Variants in ITPKB observed in about 807,000 individuals in gnomAD.
The protein encoded by ITPKB is inositol-trisphosphate 3-kinase B, also known as IP3 3-kinase B.
In ITPKB, 13 loss-of-function variants were observed where a neutral mutation model predicts 69.4. The observed-to-expected ratio is 0.19, with a 90% confidence interval of 0.12 to 0.30. The LOEUF is 0.30. Ranked by LOEUF, ITPKB falls within the 10% of genes least tolerant of loss-of-function variation. The pLI is 1.00. For missense variants in ITPKB, 1,240 were observed against 1,250.5 expected, an observed-to-expected ratio of 0.99 and a Z score of 0.13; for synonymous variants, 584 against 513.7, an observed-to-expected ratio of 1.14 and a Z score of -1.85.
In ITPKB at chr1:226,642,445, C is replaced by T. The variant is rs1413528968; in HGVS notation, c.2247-320G>A. Among the ~76,000 whole-genome samples the T allele has an allele frequency of 6.6e-6, 1 of 152,104 alleles. No individual in the cohort carries two copies. Among genetic ancestry groups the T allele is most frequent in the African/African-American group, 2.4e-5 (1 of 41,400 alleles). On this transcript the variant is annotated intron_variant, in intron 4 of 7. Transcript: ENST00000429204. The surrounding 1 kb of genome is among the most constrained non-coding windows in gnomAD (Gnocchi z 6.4). Reference sequence around the variant, plus strand: ...TTGGCCTCCCAAAGTGCTGGGATTACAGGTGTGCACCACCACCCAGCCTGG... The same window carrying T: ...TTGGCCTCCCAAAGTGCTGGGATTATAGGTGTGCACCACCACCCAGCCTGG...
At chr1:226,635,090 C>T (rs1343595629) in intron 7 of ITPKB, among the ~76,000 whole-genome samples, 13 of 152,178 alleles carry the variant, frequency 8.5e-5, no homozygotes, top group African/African-American at 2.7e-4. Flanking sequence ...GTTCCAGGGT[C>T]GGCGACCACC....
rs187552447 is a variant in ITPKB at position 226,719,304 on chromosome 1, A to G, written c.1932+16223T>C. ...ACAAAAAATTGAATCTGAATCTCTG[A>G]GGGTAGCATAGCAGAGACTGAGGAA... On this transcript the variant is annotated intron_variant, in intron 2 of 7. Transcript: ENST00000429204. Among the ~76,000 whole-genome samples, 318 of 152,306 alleles carry G rather than the reference A, an allele frequency of 2.1e-3. 1 individual carries two copies. Among genetic ancestry groups the G allele is most frequent in the Non-Finnish European group, 3.4e-3 (234 of 68,026 alleles).
At chr1:226,716,607 GT>G (rs1424099778) in intron 2 of ITPKB, among the ~76,000 whole-genome samples, 1 of 152,018 alleles carries the variant, frequency 6.6e-6, no homozygotes, top group African/African-American at 2.4e-5. Flanking sequence ...TGTACTCAAA[GT>G]TTTTTTTAAA....
chr1:226,679,456 C>T (rs970723845), intron 2 of ITPKB, among the ~76,000 whole-genome samples: 3 of 152,160 alleles, frequency 2.0e-5, no homozygotes, highest in Non-Finnish European at 4.4e-5. Flanking sequence ...CTGTCTCAGT[C>T]CAGAAAGTGG....
chr1:226,705,979 T>C (rs561188120), intron 2 of ITPKB, among the ~76,000 whole-genome samples: 1 of 152,290 alleles, frequency 6.6e-6, no homozygotes, highest in African/African-American at 2.4e-5. Context: ...CACATAAACA[T>C]CAACCCAACC....
intron 2 of ITPKB, among the ~76,000 whole-genome samples, chr1:226,690,535 C>T (rs945809547): frequency 2.0e-5 from 2 of 102,426 alleles, no homozygotes; most frequent in Non-Finnish European, 4.4e-5. Context: ...ACTCCTCCTA[C>T]GTCAAGCACT....
In ITPKB at chr1:226,637,894, G is replaced by A; in HGVS notation, c.2554-144C>T. Reference sequence around the variant, plus strand: ...TCTAGAGGCAGCTTCCTGCGAGCAGGGCTGCTGTGGCGTCTTTCTCAGCAT... The same window carrying A: ...TCTAGAGGCAGCTTCCTGCGAGCAGAGCTGCTGTGGCGTCTTTCTCAGCAT... On this transcript the variant is annotated intron_variant, in intron 6 of 7. Transcript: ENST00000429204. The surrounding 1 kb of genome is among the most constrained non-coding windows in gnomAD (Gnocchi z 4.3). 1 of 653,698 alleles carries A rather than the reference G, an allele frequency of 1.5e-6. No individual in the cohort carries two copies. The highest frequency in any genetic ancestry group is 2.8e-6 in the Non-Finnish European group (1 of 360,324). The allele number at this position is 653,698 out of a possible 1,614,324, so 40.5% of individuals were successfully genotyped here.
intron 6 of ITPKB, among the ~76,000 whole-genome samples, chr1:226,638,842 CG>C (rs1668892426): frequency 6.6e-6 from 1 of 151,870 alleles, no homozygotes; most frequent in African/African-American, 2.4e-5. Flanking sequence ...TGGCAGACGG[CG>C]GGCACTGTTC....
At chr1:226,663,973 C>T (rs543389974) in intron 2 of ITPKB, among the ~76,000 whole-genome samples, 1 of 152,308 alleles carries the variant, frequency 6.6e-6, no homozygotes, top group African/African-American at 2.4e-5. Context: ...CTGTCTTCTC[C>T]CTCAGATTTA....
chr1:226,702,398 GGAAAAAA>G (rs1040910644), intron 2 of ITPKB, among the ~76,000 whole-genome samples: 5 of 138,098 alleles, frequency 3.6e-5, no homozygotes, highest in African/African-American at 1.4e-4. Flanking sequence ...ACTCCCTCTC[GGAAAAAA>G]AAAAAAAAAG....
chr1:226,672,223 G>A (rs563813619), intron 2 of ITPKB, among the ~76,000 whole-genome samples: 2 of 152,192 alleles, frequency 1.3e-5, no homozygotes, highest in Admixed American at 6.5e-5. Context: ...ATGTGACAGC[G>A]TGTGACAGCG....
At chr1:226,701,349 A>G (rs1656631569) in intron 2 of ITPKB, among the ~76,000 whole-genome samples, 1 of 152,186 alleles carries the variant, frequency 6.6e-6, no homozygotes, top group Non-Finnish European at 1.5e-5. Flanking sequence ...TCACGCCTGT[A>G]ATCCCAGCAC....
intron 2 of ITPKB, among the ~76,000 whole-genome samples, chr1:226,667,212 A>G (rs1241562362): frequency 6.6e-6 from 1 of 152,160 alleles, no homozygotes; most frequent in Non-Finnish European, 1.5e-5. Flanking sequence ...TACCCCCACT[A>G]GAGTGAGCAT....
chr1:226,649,300 CAT>C (rs1017119788), intron 2 of ITPKB, among the ~76,000 whole-genome samples: 8 of 146,744 alleles, frequency 5.5e-5, no homozygotes, highest in Admixed American at 1.3e-4. Context: ...CGTGTGTGTG[CAT>C]GTGTGTGTGC....
chr1:226,658,632 C>T (rs983329469), intron 2 of ITPKB, among the ~76,000 whole-genome samples: 1 of 152,186 alleles, frequency 6.6e-6, no homozygotes, highest in African/African-American at 2.4e-5. Context: ...CCGAGTAAGG[C>T]TTTATTTCAT....
chr1:226,652,311 A>G (rs1057338236), intron 2 of ITPKB, among the ~76,000 whole-genome samples: 1 of 152,126 alleles, frequency 6.6e-6, no homozygotes, highest in East Asian at 1.9e-4. Flanking sequence ...CTCAGGAACC[A>G]AATCCACTCC....
chr1:226,717,864 A>T (rs1460388557), intron 2 of ITPKB, among the ~76,000 whole-genome samples: 2 of 152,248 alleles, frequency 1.3e-5, no homozygotes, highest in African/African-American at 4.8e-5. Context: ...CAAAGCCCAA[A>T]CAGGAGGCCA....
In ITPKB at chr1:226,639,542, A is replaced by G. The variant is rs1296202524; in HGVS notation, c.2553+15T>C. 1.1e-5 allele frequency: 17 copies of G among 1,520,652 alleles called. No individual in the cohort carries two copies. Among genetic ancestry groups the G allele is most frequent in the Non-Finnish European group, 1.5e-5 (16 of 1,094,906 alleles). 94.2% of individuals were successfully genotyped at this position (1,520,652 alleles called of 1,614,324 possible). Reference sequence around the variant, plus strand: ...GGCTGGCTGGAGAGACCCTCTCTGGAGGTGCCAGACTCACCAGGATGTTAT... The same window carrying G: ...GGCTGGCTGGAGAGACCCTCTCTGGGGGTGCCAGACTCACCAGGATGTTAT... On this transcript the variant is annotated intron_variant, in intron 6 of 7. Transcript: ENST00000429204.
chr1:226,715,483 A>G (rs1284793781), intron 2 of ITPKB, among the ~76,000 whole-genome samples: 2 of 152,248 alleles, frequency 1.3e-5, no homozygotes, highest in African/African-American at 4.8e-5. Context: ...ATCAACACAC[A>G]CAACCATCCT....
Sources: allele counts gnomAD v4.1 joint callset (sites outside exome capture counted in the v4.1 genomes callset), GRCh38; gene constraint gnomAD v4.1.1; non-coding constraint Gnocchi (gnomAD v3.1); transcripts MANE v1.5; gene names NCBI Gene and HGNC (gene_info 2026-07-23, HGNC 2026-07-21).